The following SRD5A2 variants were observed in gnomAD, a reference collection of about 807,000 sequenced individuals.
SRD5A2 encodes 3-oxo-5-alpha-steroid 4-dehydrogenase 2.
A neutral mutation model predicts 27.4 loss-of-function variants in SRD5A2; 30 were observed. The ratio of observed to expected loss-of-function variants is 1.10; its 90% confidence interval spans 0.82 to 1.49. The LOEUF (loss-of-function observed/expected upper bound fraction) is 1.49. Ranked by LOEUF, SRD5A2 falls within the 40% of genes most tolerant of loss-of-function variation. SRD5A2 has a pLI of 0.00. For synonymous variants in SRD5A2, 141 were observed against 133.6 expected (o/e 1.06, Z -0.38); for missense variants, 348 against 323.4 (o/e 1.08, Z -0.58).
At chr2:31,560,336 C>T (rs972548436) in intron 1 of SRD5A2, among the ~76,000 whole-genome samples, 1 of 152,032 alleles carries the variant, frequency 6.6e-6, no homozygotes, top group Non-Finnish European at 1.5e-5. Context: ...GAACCTGAAA[C>T]CAAGATGTCT....
intron 1 of SRD5A2, among the ~76,000 whole-genome samples, chr2:31,579,492 G>A (rs997815819): frequency 6.6e-6 from 1 of 152,118 alleles, no homozygotes; most frequent in East Asian, 1.9e-4. Flanking sequence ...CTGTTTATGG[G>A]CTCTGTTCTC....
intron 1 of SRD5A2, among the ~76,000 whole-genome samples, chr2:31,541,353 C>A (rs544993836): frequency 6.8e-5 from 10 of 147,672 alleles, no homozygotes; most frequent in Non-Finnish European, 1.2e-4. Context: ...CAAAAAAAAA[C>A]ACAAGGCATT....
intron 1 of SRD5A2, among the ~76,000 whole-genome samples, chr2:31,556,245 T>C (rs1189922700): frequency 6.6e-6 from 1 of 152,230 alleles, no homozygotes; most frequent in East Asian, 1.9e-4. Context: ...GAATGGGATG[T>C]GCAGGCCAAA....
the SRD5A2 span, among the ~76,000 whole-genome samples, chr2:31,622,426 A>G: frequency 3.2e-4 from 48 of 152,180 alleles, no homozygotes; most frequent in African/African-American, 1.1e-3. Flanking sequence ...AGTGCTTCAA[A>G]AAGTTGTTGA....
chr2:31,531,368 T>C lies in SRD5A2; in HGVS notation c.547+3A>G. 1.9e-6 allele frequency: 3 copies of C among 1,572,088 alleles called. No individual in the cohort carries two copies. The highest frequency in any genetic ancestry group is 2.6e-6 in the Non-Finnish European group (3 of 1,156,540). On this transcript the variant is annotated splice_donor_region_variant and intron_variant, in intron 3 of 4. Coordinates refer to ENST00000622030, the MANE Select transcript of SRD5A2 (RefSeq NM_000348.4). Reference sequence around the variant, plus strand: ...GAGAGTCTGGGGGCAGGGGAGACATTACCTTGTGGAATCCTGTAGCTGATT... The same window carrying C: ...GAGAGTCTGGGGGCAGGGGAGACATCACCTTGTGGAATCCTGTAGCTGATT...
At chr2:31,593,722 G>A in the SRD5A2 span, among the ~76,000 whole-genome samples, 1 of 152,206 alleles carries the variant, frequency 6.6e-6, no homozygotes, top group Non-Finnish European at 1.5e-5. Flanking sequence ...ATCGCAAAAA[G>A]ATAATCACCA....
the SRD5A2 span, among the ~76,000 whole-genome samples, chr2:31,653,447 C>T: frequency 2.0e-5 from 3 of 152,148 alleles, no homozygotes; most frequent in Non-Finnish European, 2.9e-5. Flanking sequence ...TCACTGTTGG[C>T]TCTGGGATAC....
At chr2:31,542,059 G>A (rs1395143091) in intron 1 of SRD5A2, among the ~76,000 whole-genome samples, 1 of 152,182 alleles carries the variant, frequency 6.6e-6, no homozygotes, top group African/African-American at 2.4e-5. Flanking sequence ...GCTGGGCTTA[G>A]AATCAGTGAA....
chr2:31,568,128 G>A (rs1666773703), intron 1 of SRD5A2, among the ~76,000 whole-genome samples: 1 of 152,184 alleles, frequency 6.6e-6, no homozygotes, highest in African/African-American at 2.4e-5. Context: ...ACATGGTGGT[G>A]CCTGGAAGCT....
the SRD5A2 span, among the ~76,000 whole-genome samples, chr2:31,629,590 G>A: frequency 1.3e-5 from 2 of 152,136 alleles, no homozygotes; most frequent in African/African-American, 4.8e-5. Context: ...TCTGGGTTGG[G>A]AGTGTTGGTC....
chr2:31,609,903 T>C, the SRD5A2 span, among the ~76,000 whole-genome samples: 1 of 152,002 alleles, frequency 6.6e-6, no homozygotes, highest in African/African-American at 2.4e-5. Flanking sequence ...AATAGCCCAA[T>C]TTTAAAGATG....
At chr2:31,638,942 T>G in the SRD5A2 span, among the ~76,000 whole-genome samples, 692 of 152,168 alleles carry the variant, frequency 4.5e-3, 4 homozygotes, top group African/African-American at 0.016. Context: ...AAGGTCTTAC[T>G]ACTGCCATTT....
intron 1 of SRD5A2, among the ~76,000 whole-genome samples, chr2:31,554,489 G>C (rs1036502536): frequency 1.3e-5 from 2 of 152,142 alleles, no homozygotes; most frequent in East Asian, 3.9e-4. Flanking sequence ...ATTCCCTGTG[G>C]TATTGGATAT....
the SRD5A2 span, among the ~76,000 whole-genome samples, chr2:31,657,723 T>A: frequency 6.6e-6 from 1 of 152,098 alleles, no homozygotes; most frequent in Non-Finnish European, 1.5e-5. Flanking sequence ...ATTGAAGAGT[T>A]AAATGTAAAA....
intron 1 of SRD5A2, among the ~76,000 whole-genome samples, chr2:31,556,202 T>A (rs1176824322): frequency 2.0e-5 from 3 of 152,170 alleles, no homozygotes; most frequent in African/African-American, 7.2e-5. Context: ...GGATGGTACC[T>A]GTTGTGTAAA....
At chr2:31,551,394 C>G (rs1236512035) in intron 1 of SRD5A2, among the ~76,000 whole-genome samples, 2 of 151,996 alleles carry the variant, frequency 1.3e-5, no homozygotes, top group African/African-American at 4.8e-5. Context: ...CTGATAAAAC[C>G]ATTGTTTTCA....
the SRD5A2 span, among the ~76,000 whole-genome samples, chr2:31,627,546 C>T: frequency 6.6e-6 from 1 of 151,986 alleles, no homozygotes; most frequent in African/African-American, 2.4e-5. Flanking sequence ...TCTAGTTCCT[C>T]TAGTTGTGAT....
chr2:31,633,582 G>A, the SRD5A2 span, among the ~76,000 whole-genome samples: 74 of 152,218 alleles, frequency 4.9e-4, no homozygotes, highest in Non-Finnish European at 6.3e-4. Context: ...CCCCTGGACC[G>A]GCCTGCTATT....
the SRD5A2 span, among the ~76,000 whole-genome samples, chr2:31,596,616 T>C: frequency 2.0e-5 from 3 of 152,082 alleles, no homozygotes; most frequent in Non-Finnish European, 4.4e-5. Flanking sequence ...AAAAAGCTCC[T>C]AGAACTGGTA....
Sources: gnomAD v4.1 joint callset for allele counts (sites outside exome capture counted in the v4.1 genomes callset) on GRCh38, gnomAD v4.1.1 for gene constraint, MANE v1.5 for transcripts, NCBI Gene and HGNC (gene_info 2026-07-23, HGNC 2026-07-21) for gene names.